Variants in PTPRG observed in about 807,000 individuals in gnomAD.
PTPRG encodes protein tyrosine phosphatase receptor type G.
Under a neutral mutation model 165.3 loss-of-function variants are expected in PTPRG, and 102 were observed. The ratio of observed to expected loss-of-function variants is 0.62; its 90% confidence interval spans 0.53 to 0.73. PTPRG has a LOEUF of 0.73. Among genes scored for constraint, PTPRG ranks in the 30% least tolerant of loss-of-function variants. PTPRG has a pLI of 0.00. For synonymous variants in PTPRG, 675 were observed against 669.5 expected, an observed-to-expected ratio of 1.01 and a Z score of -0.13; for missense variants, 1,866 against 1,861.4, an observed-to-expected ratio of 1.00 and a Z score of -0.05.
At chr3:61,888,199 T>TTGTGTGTGTG (rs58409759) in intron 2 of PTPRG, among the ~76,000 whole-genome samples, 2 of 150,146 alleles carry the variant, frequency 1.3e-5, no homozygotes, top group Non-Finnish European at 3.0e-5. Flanking sequence ...TTTTAAATCT[T>TTGTGTGTGTG]TGTGTGTGTG....
chr3:61,813,907 G>GA, intron 2 of PTPRG, among the ~76,000 whole-genome samples: 2 of 139,240 alleles, frequency 1.4e-5, no homozygotes, highest in African/African-American at 2.9e-5. Context: ...TTTTTTTTTG[G>GA]GGGGGGTTGG....
intron 2 of PTPRG, among the ~76,000 whole-genome samples, chr3:61,800,324 A>G (rs2035193186): frequency 6.6e-6 from 1 of 152,142 alleles, no homozygotes; most frequent in African/African-American, 2.4e-5. Flanking sequence ...AAAAATAAAG[A>G]CAGAAAACAC....
rs900746956 is a variant in PTPRG, at chr3:61,601,245, G to A, written c.85+38873G>A. Among the ~76,000 whole-genome samples, 4 of 152,286 alleles carry A rather than the reference G, an allele frequency of 2.6e-5. 1 individual carries two copies. Reference sequence around the variant, plus strand: ...CACTCCAGCCTGGGTGACAGACGGGGACTCTGTCTCAAAAAGCAAAACAGA... The same window carrying A: ...CACTCCAGCCTGGGTGACAGACGGGAACTCTGTCTCAAAAAGCAAAACAGA... On this transcript the variant is annotated intron_variant, in intron 1 of 29. Transcript: ENST00000474889.
At chr3:61,791,277 T>C (rs2034858842) in intron 2 of PTPRG, among the ~76,000 whole-genome samples, 1 of 152,186 alleles carries the variant, frequency 6.6e-6, no homozygotes, top group Non-Finnish European at 1.5e-5. Flanking sequence ...ATGTATTGTT[T>C]CTTAGATTTG....
intron 5 of PTPRG, among the ~76,000 whole-genome samples, chr3:62,088,453 G>T (rs1426070297): frequency 1.3e-5 from 2 of 152,212 alleles, no homozygotes; most frequent in South Asian, 2.1e-4. Context: ...AACTCCAGTA[G>T]TCCCTGGCTA....
intron 11 of PTPRG, among the ~76,000 whole-genome samples, chr3:62,202,160 A>G (rs1354955593): frequency 6.6e-6 from 1 of 152,182 alleles, no homozygotes; most frequent in East Asian, 1.9e-4. Context: ...TAATGTGTCC[A>G]GCATCACCCA....
intron 1 of PTPRG, among the ~76,000 whole-genome samples, chr3:61,664,620 A>C (rs1274901418): frequency 1.3e-5 from 2 of 152,200 alleles, no homozygotes; most frequent in East Asian, 3.9e-4. Flanking sequence ...CTTTGAGCCC[A>C]AGAGTTCCAG....
At chr3:61,813,754 G>T (rs1394050397) in intron 2 of PTPRG, among the ~76,000 whole-genome samples, 1 of 152,004 alleles carries the variant, frequency 6.6e-6, no homozygotes, top group Non-Finnish European at 1.5e-5. Context: ...TGATGAAGGG[G>T]CTGTTAATAT....
chr3:62,241,376 G>A (rs1461946751), intron 14 of PTPRG, among the ~76,000 whole-genome samples: 1 of 152,158 alleles, frequency 6.6e-6, no homozygotes, highest in Non-Finnish European at 1.5e-5. Context: ...ATATATTTGT[G>A]TGGGAGGCAA....
chr3:61,900,842 T>TGTC (rs1447564506), intron 2 of PTPRG, among the ~76,000 whole-genome samples: 1 of 151,810 alleles, frequency 6.6e-6, no homozygotes, highest in African/African-American at 2.4e-5. Context: ...TGCTCTGGAG[T>TGTC]GTCACCAGCC....
intron 28 of PTPRG, among the ~76,000 whole-genome samples, chr3:62,283,446 C>G (rs1702524984): frequency 3.3e-5 from 5 of 152,000 alleles, no homozygotes; most frequent in Admixed American, 3.3e-4. Context: ...GTATCCCAGC[C>G]CAGCACCTTT....
chr3:62,271,585 G>A lies in PTPRG; in HGVS notation c.3182+30G>A. 6.3e-7 allele frequency: 1 copy of A among 1,596,084 alleles called. No homozygotes were observed. Among genetic ancestry groups the A allele is most frequent in the South Asian group, 1.1e-5 (1 of 88,034 alleles). ...GGTCTAGGATTCAACATGTGAAATAGATGGGGCAGGGGACTTAGGCCTCAG... is the reference window on the plus strand; with the variant it reads ...GGTCTAGGATTCAACATGTGAAATAAATGGGGCAGGGGACTTAGGCCTCAG... On this transcript the variant is annotated intron_variant, in intron 21 of 29. Coordinates refer to ENST00000474889, the MANE Select transcript of PTPRG (RefSeq NM_002841.4). This position sits in a 1 kb window ranked among gnomAD's most constrained non-coding sequence, Gnocchi z 4.1.
At chr3:62,018,404 C>A (rs1557911) in intron 4 of PTPRG, among the ~76,000 whole-genome samples, 67,100 of 151,988 alleles carry the variant, frequency 0.44, 15,428 homozygotes, top group East Asian at 0.6. Context: ...CTCACCGTTT[C>A]CCTTCTAAAG....
intron 5 of PTPRG, among the ~76,000 whole-genome samples, chr3:62,111,459 T>C (rs1702663780): frequency 6.6e-6 from 1 of 152,222 alleles, no homozygotes; most frequent in Non-Finnish European, 1.5e-5. Context: ...TCATTTTCTT[T>C]TCTGTTTAGA....
At chr3:61,966,404 C>G (rs1465227503) in intron 2 of PTPRG, among the ~76,000 whole-genome samples, 2 of 152,074 alleles carry the variant, frequency 1.3e-5, no homozygotes, top group African/African-American at 4.8e-5. Flanking sequence ...GTCAAGAAGG[C>G]CAAGTATGGC....
intron 28 of PTPRG, among the ~76,000 whole-genome samples, chr3:62,286,286 A>G (rs971082025): frequency 1.3e-5 from 2 of 152,136 alleles, no homozygotes; most frequent in African/African-American, 4.8e-5. Context: ...GAAGGCTTTC[A>G]TGTTGTCTTC....
intron 26 of PTPRG, among the ~76,000 whole-genome samples, chr3:62,279,194 T>C (rs1702341322): frequency 6.6e-6 from 1 of 152,078 alleles, no homozygotes. Flanking sequence ...GTCATAATTC[T>C]GTAAGGAGCC....
intron 5 of PTPRG, among the ~76,000 whole-genome samples, chr3:62,079,764 G>A (rs2661890): frequency 0.33 from 50,306 of 152,086 alleles, 10,509 homozygotes; most frequent in African/African-American, 0.6. Context: ...CATGATTTCT[G>A]CAGTGTAATG....
intron 1 of PTPRG, among the ~76,000 whole-genome samples, chr3:61,717,767 G>A (rs1229747427): frequency 6.6e-6 from 1 of 151,862 alleles, no homozygotes; most frequent in Non-Finnish European, 1.5e-5. Context: ...CCAGCCTGGC[G>A]ACAGAGCCAG....
Sources: allele counts gnomAD v4.1 joint callset (sites outside exome capture counted in the v4.1 genomes callset), GRCh38; gene constraint gnomAD v4.1.1; non-coding constraint Gnocchi (gnomAD v3.1); transcripts MANE v1.5; gene names NCBI Gene and HGNC (gene_info 2026-07-23, HGNC 2026-07-21).